The following ODF2 variants were observed in gnomAD, a reference collection of about 807,000 sequenced individuals.
ODF2 encodes outer dense fiber of sperm tails 2.
Under a neutral mutation model 110.2 loss-of-function variants are expected in ODF2, and 47 were observed. The ratio of observed to expected loss-of-function variants is 0.43; its 90% CI spans 0.34 to 0.54. The LOEUF is 0.54. Among genes scored for constraint, ODF2 ranks in the 20% least tolerant of loss-of-function variants. The pLI, the probability that ODF2 is intolerant of heterozygous loss-of-function variation, is 0.03. For missense variants in ODF2, 812 were observed against 1,054.5 expected (o/e 0.77, Z 3.19); for synonymous variants, 352 against 397.7 (o/e 0.89, Z 1.37).
At chr9:128,455,948 G>T, upstream of ODF2, 1 of 1,404,694 alleles carries the variant, frequency 7.1e-7, no homozygotes, top group Non-Finnish European at 9.2e-7. Context: ...AGGCCCGCTG[G>T]ACGCGTAGCA....
chr9:128,481,744 A>C, intron 9 of ODF2, 93 bp downstream of exon 9: 4 of 986,792 alleles, frequency 4.1e-6, no homozygotes, highest in Non-Finnish European at 6.2e-6. Context: ...TCAAGGCAGG[A>C]GGGCTGGAGC....
chr9:128,456,511 T>C, intron 1 of ODF2: 2 of 1,526,092 alleles, frequency 1.3e-6, no homozygotes, highest in East Asian at 2.6e-5. Context: ...GCCCCTCCTC[T>C]GCCGCCCGCG....
chr9:128,465,852 G>T (rs1244295290), intron 4 of ODF2, among the ~76,000 whole-genome samples: 1 of 151,814 alleles, frequency 6.6e-6, no homozygotes, highest in African/African-American at 2.4e-5. Flanking sequence ...TTGTTGAAAA[G>T]TACAGGCCCA....
intron 5 of ODF2, among the ~76,000 whole-genome samples, chr9:128,470,872 C>G (rs1839817758): frequency 6.6e-6 from 1 of 151,698 alleles, no homozygotes; most frequent in Non-Finnish European, 1.5e-5. Flanking sequence ...GGCATGCAGC[C>G]TGTGTAGTTC....
intron 14 of ODF2, among the ~76,000 whole-genome samples, chr9:128,488,346 G>A (rs1183393573): frequency 6.6e-6 from 1 of 152,070 alleles, no homozygotes; most frequent in Non-Finnish European, 1.5e-5. Flanking sequence ...AATCGCTTGA[G>A]CCTGGGAGGT....
At position 128,498,397 on chromosome 9, in the gene ODF2, G is replaced by C. The variant is rs1218000901; in HGVS notation, c.2013-16G>C. ...GTTGGGGTATGCCCAGGATCTGATTGAGTGCTTTCACCTAGGAAACTGGAG... is the reference window on the plus strand; with the variant it reads ...GTTGGGGTATGCCCAGGATCTGATTCAGTGCTTTCACCTAGGAAACTGGAG... On this transcript the variant is annotated splice_polypyrimidine_tract_variant and intron_variant, in intron 18 of 20. Transcript: ENST00000604420. 6.4e-7 allele frequency: 1 copy of C among 1,563,748 alleles called. No individual in the cohort carries two copies. The highest frequency in any genetic ancestry group is 1.9e-5 in the Admixed American group (1 of 53,326).
chr9:128,466,158 C>T (rs890628124), intron 4 of ODF2, among the ~76,000 whole-genome samples: 7 of 148,980 alleles, frequency 4.7e-5, no homozygotes, highest in African/African-American at 1.2e-4. Context: ...ACAAAAAAAA[C>T]GGAAAAGAAA....
intron 17 of ODF2, among the ~76,000 whole-genome samples, chr9:128,495,701 T>C (rs987454306): frequency 6.6e-6 from 1 of 152,198 alleles, no homozygotes; most frequent in Non-Finnish European, 1.5e-5. Flanking sequence ...TGTGGTTGGT[T>C]TGTATGGGCC....
intron 8 of ODF2, among the ~76,000 whole-genome samples, chr9:128,479,309 G>A (rs1841974381): frequency 6.6e-6 from 1 of 152,204 alleles, no homozygotes; most frequent in Admixed American, 6.5e-5. Flanking sequence ...AATAGGGACA[G>A]TCACAAAGAC....
At chr9:128,497,440 AAAAAAAATATATAT>A (rs1845759356) in intron 18 of ODF2, 1 of 91,006 alleles carries the variant, frequency 1.1e-5, no homozygotes, top group African/African-American at 6.5e-5. Context: ...AAAAAAAAAA[AAAAAAAATATATAT>A]ATATATATAT....
At chr9:128,456,081 T>A, upstream of ODF2, 1 of 1,536,680 alleles carries the variant, frequency 6.5e-7, no homozygotes, top group Non-Finnish European at 8.8e-7. Context: ...CGGGGGGGTT[T>A]GAACTGGCCA....
intron 5 of ODF2, among the ~76,000 whole-genome samples, chr9:128,470,683 G>C (rs371838870): frequency 1.3e-5 from 2 of 151,288 alleles, no homozygotes; most frequent in East Asian, 3.9e-4. Context: ...GCCTTTTTGT[G>C]ACATCTCTCC....
exon 19 of ODF2, chr9:128,498,500 G>T (rs761917138): frequency 1.9e-6 from 3 of 1,613,642 alleles, no homozygotes; most frequent in South Asian, 2.2e-5. Flanking sequence ...CCCAGCTGCG[G>T]CTGGAGGAGA....
Position 128,472,931 on chromosome 9 carries a change from A to T in ODF2, c.600A>T (p.Leu200=), listed in dbSNP as rs1408246528. The change falls in exon 7 of 21, where the codon CTA becomes CTT. Residue 200 remains leucine (L), a synonymous_variant. Transcript: ENST00000604420. ...GCCCCAGACTTCAGAAGAAACACCT[A>T]CAACAGGAGAAGGAGTGCCTCATGT... 4 of 1,614,074 alleles carry T rather than the reference A, an allele frequency of 2.5e-6. No individual in the cohort carries two copies. The East Asian group carries it at 6.7e-5, about 27-fold the overall frequency.
Position 128,469,479 on chromosome 9 carries a change from C to T in ODF2, c.420+126C>T, listed in dbSNP as rs56694322. On this transcript the variant is annotated intron_variant, in intron 5 of 20. Transcript: ENST00000604420. Reference sequence around the variant, plus strand: ...TCAGGCCTCCTCTGCAGGGTTGCCCCGGGCTTCAGTTGCCTGCCCCGGGAG... The same window carrying T: ...TCAGGCCTCCTCTGCAGGGTTGCCCTGGGCTTCAGTTGCCTGCCCCGGGAG... 8.0e-4 allele frequency: 801 copies of T among 998,974 alleles called. 9 individuals carry two copies. The African/African-American group carries it at 0.011, about 14-fold the overall frequency. The allele number at this position is 998,974 out of a possible 1,614,324, so 61.9% of individuals were successfully genotyped here. A position where few individuals can be genotyped will look rare whatever the true frequency, so the allele number is the denominator to read the frequency against.
Position 128,484,694 on chromosome 9 carries a change from C to G in ODF2, c.1105-7C>G. 6.4e-7 allele frequency: 1 copy of G among 1,555,578 alleles called. No homozygotes were observed. Among genetic ancestry groups the G allele is most frequent in the Non-Finnish European group, 8.7e-7 (1 of 1,149,064 alleles). On this transcript the variant is annotated splice_polypyrimidine_tract_variant and splice_region_variant and intron_variant, in intron 11 of 20. Transcript: ENST00000604420. ...TCCCTCTCTTTCTCACCCCTTCCCC[C>G]TTCCAGAATCTGGAGCGCAGCGGGA...
In ODF2 at chr9:128,465,478, C is replaced by T. The variant is rs1837602196; in HGVS notation, c.250-3705C>T. Among the ~76,000 whole-genome samples the T allele has an allele frequency of 1.3e-5, 2 of 152,188 alleles. 1 individual carries two copies. The highest frequency in any genetic ancestry group is 4.1e-4 in the South Asian group (2 of 4,830). ...AAGTGATCAGCCGGGCGCGGTGGCTCACGCCTGTAATCTCAGCACTTTGGG... is the reference window on the plus strand; with the variant it reads ...AAGTGATCAGCCGGGCGCGGTGGCTTACGCCTGTAATCTCAGCACTTTGGG... On this transcript the variant is annotated intron_variant, in intron 4 of 20. Transcript: ENST00000604420.
At chr9:128,455,212 G>A (rs1339286702), upstream of ODF2, 3 of 1,535,372 alleles carry the variant, frequency 2.0e-6, no homozygotes, top group Non-Finnish European at 2.6e-6. Context: ...GGACCAGCAA[G>A]GACCTCATCA....
Position 128,484,015 on chromosome 9 carries a change from C to T in ODF2, c.1065C>T (p.Ser355=). Reference sequence around the variant, plus strand: ...GGCATTTGCAGGCACAGCTTCGGTCCAAAGAGGCTGAGAACAGTCGCCTGT... The same window carrying T: ...GGCATTTGCAGGCACAGCTTCGGTCTAAAGAGGCTGAGAACAGTCGCCTGT... The change falls in exon 11 of 21, where the codon TCC becomes TCT. Residue 355 remains serine, a synonymous_variant. Transcript: ENST00000604420. 5 of 1,613,416 alleles carry T rather than the reference C, an allele frequency of 3.1e-6. No individual in the cohort carries two copies. In the Admixed American group the frequency reaches 8.3e-5, roughly 27 times the overall value.
Sources: allele counts gnomAD v4.1 joint callset (sites outside exome capture counted in the v4.1 genomes callset), GRCh38; gene constraint gnomAD v4.1.1; transcripts MANE v1.5; gene names NCBI Gene and HGNC (gene_info 2026-07-23, HGNC 2026-07-21).